MARCHF7: variants seen among roughly 807,000 people sequenced by gnomAD.
MARCHF7 encodes the protein membrane associated ring-CH-type finger 7.
In MARCHF7, 20 loss-of-function variants were observed where a neutral mutation model predicts 76.5. The observed-to-expected ratio is 0.26, with a 90% CI of 0.18 to 0.38. The LOEUF (loss-of-function observed/expected upper bound fraction) is 0.38, where lower values mean the gene tolerates loss of function less well. Among genes scored for constraint, MARCHF7 ranks in the 10% least tolerant of loss-of-function variants. MARCHF7 has a pLI of 1.00. For missense variants in MARCHF7, 797 were observed against 812.9 expected (o/e 0.98, Z 0.24); for synonymous variants, 295 against 293.0 (o/e 1.01, Z -0.07).
chr2:159,729,759 T>G (rs1702567376), intron 4 of MARCHF7, among the ~76,000 whole-genome samples: 1 of 152,132 alleles, frequency 6.6e-6, no homozygotes, highest in African/African-American at 2.4e-5. Flanking sequence ...TCAATCAATG[T>G]GAATGGCTTT....
intron 3 of MARCHF7, among the ~76,000 whole-genome samples, chr2:159,723,373 A>G (rs1178842064): frequency 6.6e-6 from 1 of 152,212 alleles, no homozygotes; most frequent in Non-Finnish European, 1.5e-5. Context: ...ACTATTAATA[A>G]TTATTCTGGG....
At chr2:159,761,383 A>G (rs1410865339) in intron 9 of MARCHF7, among the ~76,000 whole-genome samples, 1 of 146,752 alleles carries the variant, frequency 6.8e-6, no homozygotes, top group African/African-American at 2.5e-5. Flanking sequence ...AATAAGCAAC[A>G]ATAATTATTA....
intron 4 of MARCHF7, among the ~76,000 whole-genome samples, chr2:159,739,604 A>C (rs916008169): frequency 2.6e-5 from 4 of 152,328 alleles, no homozygotes; most frequent in African/African-American, 9.6e-5. Flanking sequence ...CAGAAGAGAT[A>C]ATACATTGTT....
chr2:159,742,548 TA>T (rs34454952), intron 4 of MARCHF7, among the ~76,000 whole-genome samples: 3 of 150,572 alleles, frequency 2.0e-5, no homozygotes, highest in Non-Finnish European at 3.0e-5. Flanking sequence ...CAAGTGTTTA[TA>T]AAAAAAAAGG....
chr2:159,764,854 T>TA (rs1707573646), intron 11 of MARCHF7, among the ~76,000 whole-genome samples, 180 bp downstream of exon 11: 2 of 151,578 alleles, frequency 1.3e-5, no homozygotes, highest in African/African-American at 2.4e-5. Flanking sequence ...TTTTTTTTTT[T>TA]AAGCATATTT....
chr2:159,765,500 C>T (rs764399306), intron 11 of MARCHF7, among the ~76,000 whole-genome samples: 19 of 152,086 alleles, frequency 1.2e-4, no homozygotes, highest in Admixed American at 6.6e-5. Flanking sequence ...CTTTTTCACC[C>T]TTTGTTGCCC....
chr2:159,763,120 A>C, intron 10 of MARCHF7, 127 bp downstream of exon 10: 1 of 478,710 alleles, frequency 2.1e-6, no homozygotes, highest in Middle Eastern at 3.0e-4. Flanking sequence ...AATGTTTCTT[A>C]AAAATAAAGA....
At chr2:159,725,136 T>G (rs567186284) in intron 3 of MARCHF7, among the ~76,000 whole-genome samples, 1 of 152,372 alleles carries the variant, frequency 6.6e-6, no homozygotes, top group African/African-American at 2.4e-5. Context: ...AGTGCCACAG[T>G]AAACATACTT....
At chr2:159,755,133 ACC>A (rs1706133574) in intron 8 of MARCHF7, among the ~76,000 whole-genome samples, 1 of 152,148 alleles carries the variant, frequency 6.6e-6, no homozygotes, top group Non-Finnish European at 1.5e-5. Flanking sequence ...GAAAGTAAGG[ACC>A]TCAGGAAGTG....
At chr2:159,729,409 G>T (rs921126048) in intron 4 of MARCHF7, among the ~76,000 whole-genome samples, 3 of 152,142 alleles carry the variant, frequency 2.0e-5, no homozygotes, top group Non-Finnish European at 4.4e-5. Context: ...GGTGGCTCAC[G>T]CCTGTAATCC....
At chr2:159,740,313 T>G (rs574830906) in intron 4 of MARCHF7, among the ~76,000 whole-genome samples, 2 of 152,312 alleles carry the variant, frequency 1.3e-5, no homozygotes, top group African/African-American at 4.8e-5. Flanking sequence ...ATGCAGTCTG[T>G]GCAAAATGAG....
At chr2:159,719,808 A>T (rs1291888489) in intron 3 of MARCHF7, among the ~76,000 whole-genome samples, 1 of 152,076 alleles carries the variant, frequency 6.6e-6, no homozygotes, top group African/African-American at 2.4e-5. Flanking sequence ...TAAACTAAAA[A>T]CAGAACAGAT....
At chr2:159,732,426 GCAGTTTCAGC>G (rs1702926232) in intron 4 of MARCHF7, among the ~76,000 whole-genome samples, 1 of 152,122 alleles carries the variant, frequency 6.6e-6, no homozygotes, top group African/African-American at 2.4e-5. Context: ...TGGTATGGGA[GCAGTTTCAGC>G]CATAAGTCAA....
At chr2:159,749,159 G>A (rs984231998) in intron 7 of MARCHF7, among the ~76,000 whole-genome samples, 3 of 151,474 alleles carry the variant, frequency 2.0e-5, no homozygotes, top group African/African-American at 7.3e-5. Flanking sequence ...TAGAATTTTA[G>A]TAGGGACGGG....
chr2:159,733,913 G>C, intron 4 of MARCHF7: 7 of 1,217,458 alleles, frequency 5.7e-6, no homozygotes, highest in Non-Finnish European at 7.2e-6. Flanking sequence ...GGAAAATGTA[G>C]ATTCTAAGTT....
intron 4 of MARCHF7, among the ~76,000 whole-genome samples, chr2:159,740,545 C>A (rs921900411): frequency 6.6e-6 from 1 of 152,056 alleles, no homozygotes; most frequent in Non-Finnish European, 1.5e-5. Context: ...GAACCACTGG[C>A]CTGCAGGATA....
intron 10 of MARCHF7, among the ~76,000 whole-genome samples, chr2:159,764,253 T>TGCGC (rs1220661117): frequency 8.4e-4 from 104 of 123,476 alleles, no homozygotes; most frequent in South Asian, 1.7e-3. Context: ...TGTGTGTGTG[T>TGCGC]GTGCGCGCGC....
chr2:159,759,133 T>C (rs1706691299), intron 8 of MARCHF7, 93 bp from the exon 9 acceptor site: 1 of 709,288 alleles, frequency 1.4e-6, no homozygotes, highest in Non-Finnish European at 2.4e-6. Context: ...TCCTTTAAGG[T>C]TTTATTTATT....
chr2:159,743,862 C>A (rs1466252604), intron 5 of MARCHF7, among the ~76,000 whole-genome samples: 1 of 151,038 alleles, frequency 6.6e-6, no homozygotes, highest in Non-Finnish European at 1.5e-5. Context: ...GAGCTATGAT[C>A]ATGCCAATGC....
Sources: allele counts gnomAD v4.1 joint callset (sites outside exome capture counted in the v4.1 genomes callset), GRCh38; gene constraint gnomAD v4.1.1; transcripts MANE v1.5; gene names NCBI Gene and HGNC (gene_info 2026-07-23, HGNC 2026-07-21).